Variants in ADAMTSL1 observed in about 807,000 individuals in gnomAD.
ADAMTSL1 encodes ADAMTS like 1.
In ADAMTSL1, 126 loss-of-function variants were observed where a neutral mutation model predicts 201.8. That is an observed-to-expected ratio of 0.62 (90% CI 0.54 to 0.72). ADAMTSL1 has a LOEUF of 0.72. ADAMTSL1 is among the 30% of genes least tolerant of loss of function. The pLI, the probability that ADAMTSL1 is intolerant of heterozygous loss-of-function variation, is 0.00. For synonymous variants in ADAMTSL1, 1,121 were observed against 903.4 expected (o/e 1.24, Z -4.32); for missense variants, 2,679 against 2,277.8 (o/e 1.18, Z -3.59).
At chr9:18,493,472 C>A (rs1822366671) in intron 1 of ADAMTSL1, among the ~76,000 whole-genome samples, 1 of 152,196 alleles carries the variant, frequency 6.6e-6, no homozygotes, top group Non-Finnish European at 1.5e-5. Context: ...TCTTCAAAAG[C>A]ACAGCTTCCC....
At chr9:18,661,594 T>A (rs1017450133) in intron 8 of ADAMTSL1, among the ~76,000 whole-genome samples, 1 of 152,184 alleles carries the variant, frequency 6.6e-6, no homozygotes, top group African/African-American at 2.4e-5. Flanking sequence ...TAAATCCTGA[T>A]GATCTTTTTT....
rs1827079693 is a variant in ADAMTSL1 at position 18,635,890 on chromosome 9, A to T, written c.602-53A>T. 9.3e-6 allele frequency: 14 copies of T among 1,503,514 alleles called. 1 individual carries two copies. In the East Asian group the frequency reaches 2.1e-4, roughly 23 times the overall value. The allele number at this position is 1,503,514 out of a possible 1,614,324, so 93.1% of individuals were successfully genotyped here. ...AGTGCCTTTATTTAGAAGGCAATCA[A>T]TAATTTTGTGTCAAGTGACATGCTT... On this transcript the variant is annotated intron_variant, in intron 5 of 28. Coordinates refer to ENST00000380548, the MANE Select transcript of ADAMTSL1 (RefSeq NM_001040272.6).
chr9:18,063,347 ATT>A (rs1244113691), intron 1 of ADAMTSL1, among the ~76,000 whole-genome samples: 1 of 152,210 alleles, frequency 6.6e-6, no homozygotes, highest in Non-Finnish European at 1.5e-5. Context: ...AGAGCCCACT[ATT>A]AAACAAATTG....
chr9:18,406,324 CTTTTCTTTTCTTT>C (rs1563939425), intron 2 of ADAMTSL1, among the ~76,000 whole-genome samples: 40 of 129,774 alleles, frequency 3.1e-4, no homozygotes, highest in South Asian at 2.2e-3. Context: ...CTTTTCTTTT[CTTTTCTTTTCTTT>C]TCTTTTTTTG....
rs556089142 is a variant in ADAMTSL1 at position 18,560,469 on chromosome 9, C to A, written c.238-13561C>A. Among the ~76,000 whole-genome samples the A allele has an allele frequency of 2.6e-5, 4 of 152,164 alleles. No individual in the cohort carries two copies. The South Asian group carries it at 6.2e-4, about 24-fold the overall frequency. The stretch of plus-strand genomic sequence containing the variant: ...ATCAGGGATATTGGCCTGAAATTTT[C>A]TTTTTTGTTGTTGTTTATCTGCCAG... On this transcript the variant is annotated intron_variant, in intron 3 of 28. Coordinates refer to ENST00000380548, the MANE Select transcript of ADAMTSL1 (RefSeq NM_001040272.6).
At chr9:18,031,061 G>C (rs1390534316) in intron 1 of ADAMTSL1, among the ~76,000 whole-genome samples, 3 of 151,844 alleles carry the variant, frequency 2.0e-5, no homozygotes, top group Admixed American at 1.3e-4. Flanking sequence ...TTAAACTCTT[G>C]GATTGTTTTA....
chr9:18,658,758 C>A (rs1828876573), intron 8 of ADAMTSL1, among the ~76,000 whole-genome samples: 1 of 152,082 alleles, frequency 6.6e-6, no homozygotes, highest in African/African-American at 2.4e-5. Context: ...ATTGAATTTC[C>A]CAATAATTTA....
At chr9:18,111,398 T>G (rs1824999425) in intron 1 of ADAMTSL1, among the ~76,000 whole-genome samples, 1 of 152,184 alleles carries the variant, frequency 6.6e-6, no homozygotes, top group South Asian at 2.1e-4. Context: ...ATTTTATCCA[T>G]GTGCTTCTCA....
chr9:17,928,530 G>A (rs1826647080), intron 1 of ADAMTSL1, among the ~76,000 whole-genome samples: 1 of 152,162 alleles, frequency 6.6e-6, no homozygotes, highest in African/African-American at 2.4e-5. Flanking sequence ...TATGTAACCT[G>A]CAAATATTGA....
At chr9:18,461,021 G>C (rs1296318576) in intron 2 of ADAMTSL1, among the ~76,000 whole-genome samples, 1 of 152,150 alleles carries the variant, frequency 6.6e-6, no homozygotes, top group Non-Finnish European at 1.5e-5. Flanking sequence ...TTAAATACAT[G>C]TGTCCAATCT....
In ADAMTSL1 at chr9:18,295,308, AT is replaced by A. The variant is rs780942531; in HGVS notation, c.207+131329del. ...GCAAAATGGATGATATTAAAATAGA[AT>A]TCAAGGATGGAGATTTTGACTGCAA... On this transcript the variant is annotated intron_variant, in intron 2 of 29. Transcript: ENST00000680146. Among the ~76,000 whole-genome samples, 20 of 151,886 alleles carry A rather than the reference AT, an allele frequency of 1.3e-4. 1 individual carries two copies. Among genetic ancestry groups the A allele is most frequent in the Admixed American group, 2.0e-4 (3 of 15,250 alleles).
intron 2 of ADAMTSL1, among the ~76,000 whole-genome samples, chr9:18,173,156 T>A (rs1407379096): frequency 6.6e-6 from 1 of 152,190 alleles, no homozygotes; most frequent in Non-Finnish European, 1.5e-5. Context: ...ATGACTGAGA[T>A]ATTTTATAAT....
chr9:18,571,791 G>A (rs1161265318), intron 3 of ADAMTSL1, among the ~76,000 whole-genome samples: 1 of 152,162 alleles, frequency 6.6e-6, no homozygotes, highest in Non-Finnish European at 1.5e-5. Context: ...TTGTAAATTA[G>A]GCAAGTGGAA....
At chr9:18,304,902 G>T (rs533700674) in intron 2 of ADAMTSL1, among the ~76,000 whole-genome samples, 4 of 152,080 alleles carry the variant, frequency 2.6e-5, no homozygotes, top group Non-Finnish European at 5.9e-5. Context: ...CTTAAACAGT[G>T]TACGTTCCTG....
chr9:18,633,496 G>A (rs1025674884), intron 5 of ADAMTSL1, among the ~76,000 whole-genome samples: 2 of 152,106 alleles, frequency 1.3e-5, no homozygotes, highest in Non-Finnish European at 2.9e-5. Context: ...GGCTGAGGCA[G>A]GAGAATCACT....
At chr9:18,827,310 C>CACAT (rs2131246563) in intron 22 of ADAMTSL1, among the ~76,000 whole-genome samples, 1 of 152,148 alleles carries the variant, frequency 6.6e-6, no homozygotes, top group South Asian at 2.1e-4. Context: ...ATTCATGCCA[C>CACAT]ACATACATAC....
At chr9:18,179,942 C>G (rs1201933655) in intron 2 of ADAMTSL1, among the ~76,000 whole-genome samples, 1 of 152,024 alleles carries the variant, frequency 6.6e-6, no homozygotes, top group Admixed American at 6.6e-5. Flanking sequence ...TAAAGACCAT[C>G]GAGACTAGGA....
intron 1 of ADAMTSL1, among the ~76,000 whole-genome samples, chr9:18,127,238 A>G (rs910803720): frequency 3.9e-5 from 6 of 152,134 alleles, no homozygotes; most frequent in South Asian, 2.1e-4. Context: ...ACAGGTGATA[A>G]AAGCCATTTG....
intron 1 of ADAMTSL1, among the ~76,000 whole-genome samples, chr9:17,939,613 G>A (rs1827152783): frequency 6.6e-6 from 1 of 152,030 alleles, no homozygotes; most frequent in Admixed American, 6.6e-5. Flanking sequence ...TTATTATAAT[G>A]ACTATATGAA....
Sources: gnomAD v4.1 joint callset for allele counts (sites outside exome capture counted in the v4.1 genomes callset) on GRCh38, gnomAD v4.1.1 for gene constraint, MANE v1.5 for transcripts, NCBI Gene and HGNC (gene_info 2026-07-23, HGNC 2026-07-21) for gene names.